BICC1: variants seen among roughly 807,000 people sequenced by gnomAD.
The protein encoded by BICC1 is protein bicaudal C homolog 1.
A neutral mutation model predicts 111.0 loss-of-function variants in BICC1; 43 were observed. That is an observed-to-expected ratio of 0.39 (90% CI 0.30 to 0.50). The LOEUF (loss-of-function observed/expected upper bound fraction) is 0.50. BICC1 is among the 20% of genes least tolerant of loss of function. The probability of loss-of-function intolerance (pLI) is 0.88; values close to 1 mark genes in which losing one functional copy is unlikely to be tolerated. For synonymous variants in BICC1, 467 were observed against 434.4 expected (o/e 1.07, Z -0.93); for missense variants, 1,091 against 1,203.2 (o/e 0.91, Z 1.38).
chr10:58,742,548 C>T (rs907140975), intron 3 of BICC1, among the ~76,000 whole-genome samples: 13 of 151,266 alleles, frequency 8.6e-5, no homozygotes, highest in Admixed American at 6.6e-5. Context: ...AGCAGCTCTC[C>T]TGCCCCAGCC....
chr10:58,827,364 T>C (rs1844429302), intron 20 of BICC1, among the ~76,000 whole-genome samples: 1 of 152,124 alleles, frequency 6.6e-6, no homozygotes, highest in Admixed American at 6.5e-5. Context: ...AAAAACTGTG[T>C]CCAGATGTTG....
chr10:58,712,300 G>T (rs554172719), intron 3 of BICC1, among the ~76,000 whole-genome samples: 38 of 152,284 alleles, frequency 2.5e-4, no homozygotes, highest in African/African-American at 8.9e-4. Context: ...GCAGTTTCTT[G>T]TAGAATTAAA....
chr10:58,673,084 T>C (rs1839230700), intron 2 of BICC1, among the ~76,000 whole-genome samples: 1 of 152,212 alleles, frequency 6.6e-6, no homozygotes, highest in Non-Finnish European at 1.5e-5. Flanking sequence ...ACATCATTAG[T>C]GCACTTAAGC....
chr10:58,522,594 G>A (rs936463483), intron 1 of BICC1, among the ~76,000 whole-genome samples: 2 of 152,066 alleles, frequency 1.3e-5, no homozygotes, highest in Non-Finnish European at 2.9e-5. Flanking sequence ...ATGCCCACAA[G>A]AGAAAGCAGG....
intron 2 of BICC1, among the ~76,000 whole-genome samples, chr10:58,639,027 A>G (rs1026871090): frequency 1.3e-5 from 2 of 151,840 alleles, no homozygotes; most frequent in African/African-American, 4.8e-5. Flanking sequence ...ATTGTGGAAT[A>G]GCTAAATCAA....
intron 2 of BICC1, among the ~76,000 whole-genome samples, 198 bp downstream of exon 2, chr10:58,621,099 C>T (rs1386597955): frequency 6.6e-6 from 1 of 152,104 alleles, no homozygotes; most frequent in South Asian, 2.1e-4. Flanking sequence ...AGGCTCCTTC[C>T]AGGGAAAATC....
intron 1 of BICC1, among the ~76,000 whole-genome samples, chr10:58,598,810 G>GA (rs1450863800): frequency 2.0e-5 from 3 of 151,760 alleles, no homozygotes; most frequent in Non-Finnish European, 4.4e-5. Context: ...AAATTTACAA[G>GA]AAAAAAACAA....
At chr10:58,792,163 C>G (rs899328058) in intron 8 of BICC1, among the ~76,000 whole-genome samples, 1 of 151,884 alleles carries the variant, frequency 6.6e-6, no homozygotes, top group Non-Finnish European at 1.5e-5. Context: ...TTCCAGCACC[C>G]AGTGGGCTAA....
chr10:58,593,490 G>C (rs1844703716), intron 1 of BICC1, among the ~76,000 whole-genome samples: 1 of 152,150 alleles, frequency 6.6e-6, no homozygotes, highest in Non-Finnish European at 1.5e-5. Context: ...ATATAGGAGA[G>C]CTCTGGTTGG....
At chr10:58,711,781 C>A (rs1840581600) in intron 3 of BICC1, among the ~76,000 whole-genome samples, 1 of 148,564 alleles carries the variant, frequency 6.7e-6, no homozygotes. Flanking sequence ...CCTAAATAAG[C>A]AAATATATCT....
At chr10:58,800,074 T>G (rs1843491166) in intron 12 of BICC1, 120 bp from the exon 13 acceptor site, 1 of 670,936 alleles carries the variant, frequency 1.5e-6, no homozygotes, top group African/African-American at 1.8e-5. Context: ...ATCTCCTTAG[T>G]TAGAAGTATT....
chr10:58,549,051 G>T (rs1415670497), intron 1 of BICC1, among the ~76,000 whole-genome samples: 1 of 151,952 alleles, frequency 6.6e-6, no homozygotes, highest in Non-Finnish European at 1.5e-5. Flanking sequence ...TTGCCATGTT[G>T]CTCAGGCTGG....
Position 58,830,979 on chromosome 10 carries a change from T to C in BICC1, c.*2088T>C, listed in dbSNP as rs1184143802. On this transcript the variant is annotated 3_prime_UTR_variant, in exon 21 of 21. Coordinates refer to ENST00000373886, the MANE Select transcript of BICC1 (RefSeq NM_001080512.3). The stretch of plus-strand genomic sequence containing the variant: ...GAGCTCTTTTCCCAGCTGTCTACCA[T>C]GCATTTGCAACAGGAGGAAGATGTA... The C allele has an allele frequency of 6.6e-6, 1 of 152,216 alleles. No individual in the cohort carries two copies. Among genetic ancestry groups the C allele is most frequent in the African/African-American group, 2.4e-5 (1 of 41,456 alleles). The allele number at this position is 152,216 out of a possible 1,614,324, so 9.4% of individuals were successfully genotyped here.
intron 14 of BICC1, among the ~76,000 whole-genome samples, chr10:58,802,130 G>A (rs1032867668): frequency 6.6e-6 from 1 of 152,106 alleles, no homozygotes; most frequent in Non-Finnish European, 1.5e-5. Flanking sequence ...ATCACCAATG[G>A]TCTGTGTTGC....
chr10:58,594,822 G>GCT (rs1844758445), intron 1 of BICC1, among the ~76,000 whole-genome samples: 1 of 152,096 alleles, frequency 6.6e-6, no homozygotes, highest in Admixed American at 6.6e-5. Flanking sequence ...ATCAACTAAT[G>GCT]AGCAAAACAA....
At chr10:58,764,794 G>A (rs1356153121) in intron 3 of BICC1, among the ~76,000 whole-genome samples, 1 of 152,046 alleles carries the variant, frequency 6.6e-6, no homozygotes, top group Admixed American at 6.6e-5. Flanking sequence ...GGGACACTGA[G>A]GGAATGAAAA....
intron 1 of BICC1, among the ~76,000 whole-genome samples, chr10:58,551,124 A>G (rs1048604356): frequency 6.6e-6 from 1 of 152,098 alleles, no homozygotes; most frequent in African/African-American, 2.4e-5. Context: ...CTATTTCATA[A>G]AAGTTCATAA....
intron 2 of BICC1, among the ~76,000 whole-genome samples, chr10:58,643,072 A>G (rs1219539950): frequency 2.6e-5 from 4 of 152,168 alleles, no homozygotes; most frequent in Non-Finnish European, 4.4e-5. Context: ...TGTAAACCAG[A>G]TGTCTCTTCT....
intron 2 of BICC1, among the ~76,000 whole-genome samples, chr10:58,643,148 C>T (rs1407778830): frequency 6.6e-6 from 1 of 152,214 alleles, no homozygotes; most frequent in Non-Finnish European, 1.5e-5. Context: ...CTTAAACCTT[C>T]AGCTTAAAAA....
Sources: allele counts gnomAD v4.1 joint callset (sites outside exome capture counted in the v4.1 genomes callset), GRCh38; gene constraint gnomAD v4.1.1; transcripts MANE v1.5; gene names NCBI Gene and HGNC (gene_info 2026-07-23, HGNC 2026-07-21).